NCL: variants seen among roughly 807,000 people sequenced by gnomAD.
NCL encodes the protein nucleolin multifunctional protein.
A neutral mutation model predicts 77.7 loss-of-function variants in NCL; 4 were observed. The ratio of observed to expected loss-of-function variants is 0.05; its 90% confidence interval spans 0.03 to 0.12. The LOEUF is 0.12. Among genes scored for constraint, NCL ranks in the 10% least tolerant of loss-of-function variants. The pLI is 1.00. For synonymous variants in NCL, 344 were observed against 297.8 expected, an observed-to-expected ratio of 1.16 and a Z score of -1.60; for missense variants, 763 against 860.9, an observed-to-expected ratio of 0.89 and a Z score of 1.42.
chr2:231,459,766 G>A (rs2046928012), intron 6 of NCL, among the ~76,000 whole-genome samples: 1 of 151,790 alleles, frequency 6.6e-6, no homozygotes. Context: ...AATTAGCCAG[G>A]CATGGTGAAG....
intron 2 of NCL, 62 bp from the exon 3 acceptor site, chr2:231,462,079 G>C: frequency 6.3e-7 from 1 of 1,580,948 alleles, no homozygotes; most frequent in Non-Finnish European, 8.6e-7. Context: ...GATAACCATG[G>C]TCCCAATGAG....
Position 231,464,373 on chromosome 2 carries a change from G to C in NCL, c.-20C>G. 6.2e-7 allele frequency: 1 copy of C among 1,600,238 alleles called. No individual in the cohort carries two copies. Among genetic ancestry groups the C allele is most frequent in the Non-Finnish European group, 8.5e-7 (1 of 1,173,218 alleles). On this transcript the variant is annotated 5_prime_UTR_variant, in exon 1 of 14. Coordinates refer to ENST00000322723, the MANE Select transcript of NCL (RefSeq NM_005381.3). ...CACCATGATGGCGGCGGAGTGTGAA[G>C]CGGACAAGTGGCGCAGATGAGTCCA...
At position 231,454,335 on chromosome 2, in the gene NCL, G is replaced by A. The variant is rs2046861264; in HGVS notation, c.*856C>T. 2 of 148,900 alleles carry A rather than the reference G, an allele frequency of 1.3e-5. No individual in the cohort carries two copies. Among genetic ancestry groups the A allele is most frequent in the East Asian group, 2.0e-4 (1 of 4,916 alleles). 9.2% of individuals were successfully genotyped at this position (148,900 alleles called of 1,614,324 possible). On this transcript the variant is annotated 3_prime_UTR_variant, in exon 14 of 14. Transcript: ENST00000322723. ...TAATTTTTGTATTTTTAGTAGAGAT[G>A]GGCTTTCACCATGTTGGCCAGGCTG...
chr2:231,461,502 TA>T (rs766020425), intron 3 of NCL, 37 bp downstream of exon 3: 62 of 1,597,564 alleles, frequency 3.9e-5, no homozygotes, highest in Non-Finnish European at 5.0e-5. Flanking sequence ...AGATACCTTG[TA>T]ATCAGAAGCC....
At chr2:231,462,851 A>T in intron 2 of NCL, 1 of 325,510 alleles carries the variant, frequency 3.1e-6, no homozygotes. Context: ...CTAGGAAAGG[A>T]ATCTGGTAAG....
intron 3 of NCL, among the ~76,000 whole-genome samples, chr2:231,461,221 A>G (rs2854875): frequency 6.6e-6 from 1 of 151,986 alleles, no homozygotes; most frequent in Non-Finnish European, 1.5e-5. Context: ...GGCTGCAGTG[A>G]GCCGAGATAG....
At chr2:231,462,729 CAAAG>C (rs1433869791) in intron 2 of NCL, among the ~76,000 whole-genome samples, 1 of 151,748 alleles carries the variant, frequency 6.6e-6, no homozygotes, top group Non-Finnish European at 1.5e-5. Flanking sequence ...AATGGTAACA[CAAAG>C]AGAGGTGGCA....
chr2:231,464,307 C>T lies in NCL; in HGVS notation c.18+29G>A, dbSNP rs564932889. ...TCGCCCCTCGGAAAGCAGGCCTACA[C>T]GTCTGCGCTCGCGCTCAAGGCCGTT... On this transcript the variant is annotated intron_variant, in intron 1 of 13. Transcript: ENST00000322723. 3.1e-5 allele frequency: 49 copies of T among 1,580,248 alleles called. No individual in the cohort carries two copies. In the East Asian group the frequency reaches 6.1e-4, roughly 20 times the overall value.
rs745626994 is a variant in NCL, at chr2:231,458,219, T to C, written c.1289+47A>G. 2.5e-6 allele frequency: 4 copies of C among 1,584,324 alleles called. No homozygotes were observed. The South Asian group carries it at 4.6e-5, about 18-fold the overall frequency. ...ATATTTCTTTTATAAAGCAGGAAAGTGCATTAATGTTAATAAAACCCTTAC... is the reference window on the plus strand; with the variant it reads ...ATATTTCTTTTATAAAGCAGGAAAGCGCATTAATGTTAATAAAACCCTTAC... On this transcript the variant is annotated intron_variant, in intron 8 of 13. Coordinates refer to ENST00000322723, the MANE Select transcript of NCL (RefSeq NM_005381.3).
rs1196438288 is a variant in NCL, at chr2:231,457,583, A to G, written c.1447+60T>C. ...AGTATTTATAAACTTATGAAATACA[A>G]AGACACAAAGGAGTTCCCTCCACCA... On this transcript the variant is annotated intron_variant, in intron 9 of 13. Coordinates refer to ENST00000322723, the MANE Select transcript of NCL (RefSeq NM_005381.3). The G allele has an allele frequency of 1.8e-5, 26 of 1,450,092 alleles. No individual in the cohort carries two copies. In the South Asian group the frequency reaches 3.2e-4, roughly 18 times the overall value. 89.8% of individuals were successfully genotyped at this position (1,450,092 alleles called of 1,614,324 possible). A position where few individuals can be genotyped will look rare whatever the true frequency, so the allele number is the denominator to read the frequency against.
intron 2 of NCL, 178 bp from the exon 3 acceptor site, chr2:231,462,195 CA>C: frequency 1.2e-6 from 1 of 840,004 alleles, no homozygotes; most frequent in Non-Finnish European, 2.0e-6. Flanking sequence ...GAGCCCCTAT[CA>C]TAAGGTGAAT....
chr2:231,457,848 CAA>C, intron 8 of NCL, 48 bp from the exon 9 acceptor site: 1 of 1,513,484 alleles, frequency 6.6e-7, no homozygotes, highest in Non-Finnish European at 8.9e-7. Context: ...CATATTAACA[CAA>C]ATGCTTTTAC....
At chr2:231,457,584 A>G in intron 9 of NCL, 59 bp downstream of exon 9, 4 of 1,452,160 alleles carry the variant, frequency 2.8e-6, no homozygotes, top group Non-Finnish European at 3.7e-6. Flanking sequence ...TGAAATACAA[A>G]GACACAAAGG....
rs2046950484 is a variant in NCL at position 231,461,535 on chromosome 2, C to T, written c.613+5G>A. The stretch of plus-strand genomic sequence containing the variant: ...AGCCCAGTAACTACCAAGACAACTC[C>T]TTACCATCTTCCTCATCGTCATCGT... On this transcript the variant is annotated splice_donor_5th_base_variant and intron_variant, in intron 3 of 13. Coordinates refer to ENST00000322723, the MANE Select transcript of NCL (RefSeq NM_005381.3). 6.2e-7 allele frequency: 1 copy of T among 1,612,740 alleles called. No homozygotes were observed. The highest frequency in any genetic ancestry group is 8.5e-7 in the Non-Finnish European group (1 of 1,179,274).
At chr2:231,455,766 T>A (rs201768710) in intron 12 of NCL, 142 bp from the exon 13 acceptor site, 1 of 1,187,490 alleles carries the variant, frequency 8.4e-7, no homozygotes, top group Non-Finnish European at 1.2e-6. Flanking sequence ...TAGCTCTCTA[T>A]GGAAAACTAA....
intron 9 of NCL, chr2:231,457,337 G>C: frequency 1.3e-6 from 1 of 789,574 alleles, no homozygotes; most frequent in Non-Finnish European, 2.2e-6. Context: ...GCTGATGACT[G>C]GTCTGTTTTC....
chr2:231,459,734 C>T (rs1201253426), intron 6 of NCL, among the ~76,000 whole-genome samples: 1 of 151,954 alleles, frequency 6.6e-6, no homozygotes, highest in African/African-American at 2.4e-5. Context: ...TGGTGAAATG[C>T]CATCTCAACT....
chr2:231,460,694 C>CTCA lies in NCL; in HGVS notation c.783_785dup (p.Asp261dup), dbSNP rs556842200. 1 of 1,609,862 alleles carries CTCA rather than the reference C, an allele frequency of 6.2e-7. No homozygotes were observed. The stretch of plus-strand genomic sequence containing the variant: ...CTTCCTCCTCCTCTTCTTCCTCCTC[C>CTCA]TCATCATCTTCATCATCATCATCTT... On this transcript the variant is annotated inframe_insertion, in exon 4 of 14. Transcript: ENST00000322723.
Position 231,455,501 on chromosome 2 carries a change from G to A in NCL, c.1956C>T (p.Gly652=). 2 of 1,614,140 alleles carry A rather than the reference G, an allele frequency of 1.2e-6. No homozygotes were observed. The highest frequency in any genetic ancestry group is 8.5e-7 in the Non-Finnish European group (1 of 1,180,014). The change falls in exon 13 of 14, where the codon GGC becomes GGT. Residue 652 remains glycine (G), a synonymous_variant. Coordinates refer to ENST00000322723, the MANE Select transcript of NCL (RefSeq NM_005381.3). ...CTCTGCCTCCACCACGACCCCCGAA[G>A]CCACCTTCACCCTTAGGTTTGGCCC... ...LDWAKPKGEG[G]FGGRGGGRGG...
Sources: allele counts gnomAD v4.1 joint callset (sites outside exome capture counted in the v4.1 genomes callset), GRCh38; gene constraint gnomAD v4.1.1; transcripts MANE v1.5; gene names NCBI Gene and HGNC (gene_info 2026-07-23, HGNC 2026-07-21).